RFX7: variants seen among roughly 807,000 people sequenced by gnomAD.
RFX7 encodes the protein regulatory factor X7.
Under a neutral mutation model 111.8 loss-of-function variants are expected in RFX7, and 26 were observed. The ratio of observed to expected loss-of-function variants is 0.23; its 90% confidence interval spans 0.17 to 0.32. RFX7 has a LOEUF of 0.32. Among genes scored for constraint, RFX7 ranks in the 10% least tolerant of loss-of-function variants. RFX7 has a pLI of 1.00. For synonymous variants in RFX7, 624 were observed against 624.4 expected, an observed-to-expected ratio of 1.00 and a Z score of 0.01; for missense variants, 1,573 against 1,772.9, an observed-to-expected ratio of 0.89 and a Z score of 2.02.
Position 56,095,676 on chromosome 15 carries a change from G to A in RFX7, c.2052C>T (p.Thr684=). The A allele has an allele frequency of 6.2e-7, 1 of 1,613,958 alleles. No individual in the cohort carries two copies. The highest frequency in any genetic ancestry group is 1.1e-5 in the South Asian group (1 of 91,070). The change falls in exon 10 of 10, where the codon ACC becomes ACT. Residue 684 remains threonine, a synonymous_variant. Coordinates refer to ENST00000559447, the MANE Select transcript of RFX7 (RefSeq NM_022841.7). ...KPIVEQLSAA[T]IEGQKQGSVK... is the part of the protein sequence containing the mutation. ...CACTGCCTTGTTTCTGCCCTTCTAT[G>A]GTAGCTGCTGAAAGCTGTTCCACAA...
At chr15:56,187,371 TG>T (rs1191226163) in intron 2 of RFX7, among the ~76,000 whole-genome samples, 4 of 151,946 alleles carry the variant, frequency 2.6e-5, no homozygotes, top group African/African-American at 9.7e-5. Context: ...TTGCCACACC[TG>T]GCTAATTTTT....
intron 5 of RFX7, among the ~76,000 whole-genome samples, chr15:56,108,190 T>TC (rs2041857437): frequency 6.6e-6 from 1 of 152,174 alleles, no homozygotes; most frequent in Admixed American, 6.5e-5. Context: ...GAAGGACTCC[T>TC]CCCTAACTCA....
chr15:56,163,710 C>G (rs1462566396), intron 3 of RFX7, among the ~76,000 whole-genome samples: 1 of 152,124 alleles, frequency 6.6e-6, no homozygotes, highest in African/African-American at 2.4e-5. Flanking sequence ...TGATCTATAG[C>G]AGAGACTCAA....
chr15:56,200,035 A>T (rs1195259663), intron 2 of RFX7, among the ~76,000 whole-genome samples: 4 of 152,224 alleles, frequency 2.6e-5, no homozygotes, highest in African/African-American at 9.7e-5. Context: ...ATTTTAATCA[A>T]GAAGAATATT....
intron 2 of RFX7, among the ~76,000 whole-genome samples, chr15:56,215,200 C>T (rs1470697778): frequency 4.6e-5 from 7 of 152,114 alleles, no homozygotes; most frequent in Non-Finnish European, 7.4e-5. Context: ...GTAATCAATA[C>T]AATGTAAGTG....
At chr15:56,118,842 T>A (rs1386009143) in intron 5 of RFX7, among the ~76,000 whole-genome samples, 1 of 152,214 alleles carries the variant, frequency 6.6e-6, no homozygotes, top group East Asian at 1.9e-4. Context: ...TTCCTCCACA[T>A]CCTTGTCATC....
chr15:56,120,438 A>T (rs557019566), intron 5 of RFX7, among the ~76,000 whole-genome samples: 35 of 152,332 alleles, frequency 2.3e-4, no homozygotes, highest in African/African-American at 7.2e-4. Flanking sequence ...TCATCTATAA[A>T]GACAGATAAT....
chr15:56,149,506 T>A (rs189802575), intron 3 of RFX7, among the ~76,000 whole-genome samples: 2 of 152,322 alleles, frequency 1.3e-5, no homozygotes, highest in East Asian at 3.9e-4. Context: ...AGGTACCTGG[T>A]TCATCTCACT....
At chr15:56,244,292 C>G (rs1330213760), upstream of RFX7, 5 of 152,320 alleles carry the variant, frequency 3.3e-5, no homozygotes, top group Non-Finnish European at 5.9e-5. Flanking sequence ...AGACGATAAA[C>G]TGACTTTTCA....
chr15:56,150,179 C>T (rs62044110), intron 3 of RFX7, among the ~76,000 whole-genome samples: 46,376 of 152,086 alleles, frequency 0.3, 8,030 homozygotes, highest in East Asian at 0.4. Context: ...GCCTGATTGC[C>T]CCTCTCTGGA....
intron 5 of RFX7, among the ~76,000 whole-genome samples, chr15:56,116,996 G>C (rs984328394): frequency 6.6e-6 from 1 of 152,170 alleles, no homozygotes; most frequent in Non-Finnish European, 1.5e-5. Context: ...CAGGACAGAG[G>C]TTACCCTTGA....
intron 3 of RFX7, among the ~76,000 whole-genome samples, chr15:56,170,838 A>C (rs1329645560): frequency 6.6e-6 from 1 of 152,154 alleles, no homozygotes; most frequent in African/African-American, 2.4e-5. Context: ...TTGAGGGAGT[A>C]AATATTGTCT....
At chr15:56,220,002 C>T (rs956615420) in intron 2 of RFX7, among the ~76,000 whole-genome samples, 21 of 152,148 alleles carry the variant, frequency 1.4e-4, no homozygotes, top group African/African-American at 4.8e-4. Flanking sequence ...TAAGCATTTC[C>T]TTTTCTTGAC....
At chr15:56,226,069 A>G (rs2043480506) in intron 2 of RFX7, among the ~76,000 whole-genome samples, 1 of 152,134 alleles carries the variant, frequency 6.6e-6, no homozygotes, top group African/African-American at 2.4e-5. Context: ...ATGGAGAAAA[A>G]TTCAAGGAGC....
At chr15:56,134,093 T>G (rs1408600093) in intron 5 of RFX7, among the ~76,000 whole-genome samples, 1 of 152,220 alleles carries the variant, frequency 6.6e-6, no homozygotes, top group Non-Finnish European at 1.5e-5. Flanking sequence ...CAGTTTGATA[T>G]TACTCAACTT....
At chr15:56,238,829 T>C (rs1416300019) in intron 2 of RFX7, among the ~76,000 whole-genome samples, 1 of 152,140 alleles carries the variant, frequency 6.6e-6, no homozygotes, top group East Asian at 1.9e-4. Flanking sequence ...ATTTATTTAT[T>C]TATTATTTTT....
intron 4 of RFX7, 137 bp from the exon 5 acceptor site, chr15:56,143,037 G>A: frequency 1.1e-6 from 1 of 887,788 alleles, no homozygotes. Flanking sequence ...ACATCTAGTA[G>A]ATAATTGTCC....
chr15:56,160,995 C>T (rs1424080305), intron 3 of RFX7, among the ~76,000 whole-genome samples: 1 of 151,908 alleles, frequency 6.6e-6, no homozygotes, highest in African/African-American at 2.4e-5. Context: ...ACTGTATTAT[C>T]GTGAGGATTT....
rs762950762 is a variant in RFX7, at chr15:56,095,483, T to C, written c.2245A>G (p.Thr749Ala). The change falls in exon 10 of 10, where the codon ACC becomes GCC. Residue 749 changes from threonine to alanine, a missense_variant. Thr to Ala is a moderately conservative substitution (Grantham distance 58, BLOSUM62 0). Transcript: ENST00000559447. Reference protein sequence around the residue: ...ISDSALEQQTTPSSSPDIKVK... With the variant: ...ISDSALEQQTAPSSSPDIKVK... ...TTTATATCTGGAGATGATGATGGGG[T>C]TGTTTGCTGTTCCAAAGCTGAATCA... 6.2e-7 allele frequency: 1 copy of C among 1,612,528 alleles called. No individual in the cohort carries two copies. Among genetic ancestry groups the C allele is most frequent in the South Asian group, 1.1e-5 (1 of 91,072 alleles).
Sources: allele counts gnomAD v4.1 joint callset (sites outside exome capture counted in the v4.1 genomes callset), GRCh38; gene constraint gnomAD v4.1.1; transcripts MANE v1.5; gene names NCBI Gene and HGNC (gene_info 2026-07-23, HGNC 2026-07-21).